Variants in NETO1 observed in about 807,000 individuals in gnomAD.
The protein encoded by NETO1 is neuropilin and tolloid like 1.
In NETO1, 26 loss-of-function variants were observed where a neutral mutation model predicts 61.3. The ratio of observed to expected loss-of-function variants is 0.42; its 90% CI spans 0.31 to 0.59. The LOEUF (loss-of-function observed/expected upper bound fraction) is 0.59. Ranked by LOEUF, NETO1 falls within the 20% of genes least tolerant of loss-of-function variation. The pLI is 0.12. For synonymous variants in NETO1, 225 were observed against 225.8 expected (o/e 1.00, Z 0.03); for missense variants, 531 against 662.8 (o/e 0.80, Z 2.18).
Position 72,756,028 on chromosome 18 carries a change from C to A in NETO1, c.982+6G>T. ...TTTTTTTCAAATTTCAGGCACTAAT[C>A]ATTACCTTTACAGTGATTTTCATCC... On this transcript the variant is annotated splice_donor_region_variant and intron_variant, in intron 8 of 10. Coordinates refer to ENST00000327305, the MANE Select transcript of NETO1 (RefSeq NM_138966.5). 1 of 1,542,716 alleles carries A rather than the reference C, an allele frequency of 6.5e-7. No homozygotes were observed. Among genetic ancestry groups the A allele is most frequent in the South Asian group, 1.1e-5 (1 of 87,376 alleles).
chr18:72,796,267 T>G (rs2072307270), intron 4 of NETO1, among the ~76,000 whole-genome samples: 1 of 152,164 alleles, frequency 6.6e-6, no homozygotes, highest in Admixed American at 6.5e-5. Context: ...GTTAGTTTAG[T>G]TATCTTCATT....
intron 4 of NETO1, among the ~76,000 whole-genome samples, chr18:72,796,955 TAA>T (rs1057404001): frequency 5.9e-5 from 9 of 152,184 alleles, no homozygotes; most frequent in Admixed American, 6.5e-5. Context: ...TACTGTGTAA[TAA>T]AAGCCATGTT....
chr18:72,812,528 C>T (rs1163347890), intron 4 of NETO1, among the ~76,000 whole-genome samples: 3 of 152,214 alleles, frequency 2.0e-5, no homozygotes, highest in African/African-American at 7.2e-5. Context: ...TTCCTTGCAT[C>T]TACCTCAAAA....
At chr18:72,785,082 T>A (rs1447455303) in intron 6 of NETO1, among the ~76,000 whole-genome samples, 2 of 152,220 alleles carry the variant, frequency 1.3e-5, no homozygotes, top group Non-Finnish European at 2.9e-5. Flanking sequence ...TTACATTTTA[T>A]TTTAATATGA....
intron 4 of NETO1, among the ~76,000 whole-genome samples, chr18:72,823,143 A>T (rs1430746574): frequency 1.3e-5 from 2 of 152,190 alleles, no homozygotes; most frequent in African/African-American, 4.8e-5. Context: ...TTGTTACTTA[A>T]TAAATATTTA....
chr18:72,796,621 C>T (rs558653398), intron 4 of NETO1, among the ~76,000 whole-genome samples: 26 of 152,018 alleles, frequency 1.7e-4, no homozygotes, highest in African/African-American at 5.5e-4. Context: ...GGACTACAGG[C>T]GCCCGCCACT....
chr18:72,763,738 G>C (rs2071059379), intron 7 of NETO1, among the ~76,000 whole-genome samples: 1 of 152,130 alleles, frequency 6.6e-6, no homozygotes, highest in Non-Finnish European at 1.5e-5. Flanking sequence ...TAATTTGAAT[G>C]GAAATGCTCA....
At chr18:72,846,988 T>G (rs1316307439) in intron 4 of NETO1, among the ~76,000 whole-genome samples, 2 of 152,236 alleles carry the variant, frequency 1.3e-5, no homozygotes, top group African/African-American at 2.4e-5. Context: ...AAAACGGAAG[T>G]TGGAGAATGT....
In NETO1 at chr18:72,760,147, C is replaced by T. The variant is rs192005696; in HGVS notation, c.869-4000G>A. Among the ~76,000 whole-genome samples the T allele has an allele frequency of 2.3e-3, 350 of 152,248 alleles. 4 individuals are homozygous for T. Among genetic ancestry groups the T allele is most frequent in the Admixed American group, 0.014 (213 of 15,294 alleles). ...TCACCATTTTATCATCCAGATCTAA[C>T]GACCCAAAGAAGATGGAAATTGATT... On this transcript the variant is annotated intron_variant, in intron 7 of 10. Transcript: ENST00000327305.
rs75925260 is a variant in NETO1, at chr18:72,820,105, G to A, written c.470-25701C>T. Among the ~76,000 whole-genome samples the A allele has an allele frequency of 6.2e-4, 95 of 152,264 alleles. 2 individuals are homozygous for A. In the East Asian group the frequency reaches 0.013, roughly 21 times the overall value. On this transcript the variant is annotated intron_variant, in intron 4 of 10. Coordinates refer to ENST00000327305, the MANE Select transcript of NETO1 (RefSeq NM_138966.5). The stretch of plus-strand genomic sequence containing the variant: ...GTTTTGTATGAAAGCTACACAACTA[G>A]AAATTTCAAATTCATAAGGTACTCT...
chr18:72,743,256 T>C (rs1261961479), downstream of NETO1, among the ~76,000 whole-genome samples: 1 of 152,190 alleles, frequency 6.6e-6, no homozygotes, highest in Non-Finnish European at 1.5e-5. Context: ...TAGATGATCT[T>C]CTGAGCCTAC....
chr18:72,764,067 A>G (rs564716775), intron 7 of NETO1, among the ~76,000 whole-genome samples: 2 of 152,258 alleles, frequency 1.3e-5, no homozygotes, highest in Admixed American at 1.3e-4. Context: ...TGTCTCTATG[A>G]TTCAATTATT....
At chr18:72,843,934 C>G (rs905892472) in intron 4 of NETO1, among the ~76,000 whole-genome samples, 2 of 152,136 alleles carry the variant, frequency 1.3e-5, no homozygotes, top group African/African-American at 4.8e-5. Context: ...ATATAATGTT[C>G]TATTTTAATA....
At chr18:72,786,809 A>C (rs888160439) in intron 6 of NETO1, among the ~76,000 whole-genome samples, 1 of 151,550 alleles carries the variant, frequency 6.6e-6, no homozygotes, top group African/African-American at 2.4e-5. Flanking sequence ...TTCAATGTTA[A>C]CATGACTTAA....
intron 7 of NETO1, among the ~76,000 whole-genome samples, chr18:72,759,210 CCA>C (rs2070889227): frequency 6.6e-6 from 1 of 152,122 alleles, no homozygotes; most frequent in African/African-American, 2.4e-5. Flanking sequence ...TCTACCTGCC[CCA>C]GATACCCCTT....
In NETO1 at chr18:72,749,048, A is replaced by G; in HGVS notation, c.1582T>C (p.Tyr528His). ...IGSLSKHESE[Y>H]NTTRV ...TCTTTCTAGACCCTAGTTGTGTTGT[A>G]TTCAGATTCATGTTTGCTTAGAGAC... Residue 528 changes from tyrosine to histidine, a missense_variant, in exon 10 of 11, where the codon TAC becomes CAC. Tyr to His is a moderately conservative substitution (Grantham distance 83). Transcript: ENST00000327305. The G allele has an allele frequency of 6.2e-7, 1 of 1,611,586 alleles. No individual in the cohort carries two copies. Among genetic ancestry groups the G allele is most frequent in the Non-Finnish European group, 8.5e-7 (1 of 1,177,948 alleles).
intron 4 of NETO1, among the ~76,000 whole-genome samples, chr18:72,846,753 C>A (rs961824367): frequency 1.3e-5 from 2 of 152,010 alleles, no homozygotes; most frequent in Non-Finnish European, 2.9e-5. Context: ...ATTTTCCCAC[C>A]AGTTAACCTA....
chr18:72,821,522 G>A (rs907452432), intron 4 of NETO1, among the ~76,000 whole-genome samples: 1 of 142,966 alleles, frequency 7.0e-6, no homozygotes, highest in Non-Finnish European at 1.5e-5. Context: ...CCGAGATTGT[G>A]CCATTGCAGT....
In NETO1 at chr18:72,756,076, G is replaced by T; in HGVS notation, c.940C>A (p.Leu314Ile). The change falls in exon 8 of 11, where the codon CTC becomes ATC. Residue 314 changes from leucine (L) to isoleucine (I), a missense_variant. Physicochemically the swap from Leu to Ile is conservative, Grantham distance 5. Transcript: ENST00000327305. The part of the protein sequence containing the change: ...CINNTLVCNG[L>I]QNCVYPWDEN... ...TCCCAAGGATACACACAGTTCTGGAGTCCATTGCAGACCAAAGTATTATTA... is the reference window on the plus strand; with the variant it reads ...TCCCAAGGATACACACAGTTCTGGATTCCATTGCAGACCAAAGTATTATTA... The T allele has an allele frequency of 6.2e-7, 1 of 1,610,078 alleles. No individual in the cohort carries two copies. The highest frequency in any genetic ancestry group is 8.5e-7 in the Non-Finnish European group (1 of 1,176,640).
Sources: allele counts gnomAD v4.1 joint callset (sites outside exome capture counted in the v4.1 genomes callset), GRCh38; gene constraint gnomAD v4.1.1; transcripts MANE v1.5; gene names NCBI Gene and HGNC (gene_info 2026-07-23, HGNC 2026-07-21).